SNED1: variants seen among roughly 807,000 people sequenced by gnomAD.
The protein encoded by SNED1 is sushi, nidogen and EGF-like domain-containing protein 1.
SNED1 carries 81 observed loss-of-function variants against 166.7 expected under a neutral mutation model. That is an observed-to-expected ratio of 0.49 (90% confidence interval 0.41 to 0.58). SNED1 has a LOEUF of 0.58. Ranked by LOEUF, SNED1 falls within the 20% of genes least tolerant of loss-of-function variation. The probability of loss-of-function intolerance (pLI) is 0.00; values close to 1 mark genes in which losing one functional copy is unlikely to be tolerated. For synonymous variants in SNED1, 762 were observed against 822.0 expected (o/e 0.93, Z 1.25); for missense variants, 1,604 against 2,000.2 (o/e 0.80, Z 3.78).
chr2:241,018,190 C>T lies in SNED1; in HGVS notation c.214-12094C>T, dbSNP rs1054863424. Among the ~76,000 whole-genome samples, 10 of 152,196 alleles carry T rather than the reference C, an allele frequency of 6.6e-5. No homozygotes were observed. The highest frequency in any genetic ancestry group is 1.3e-4 in the Admixed American group (2 of 15,272). On this transcript the variant is annotated intron_variant, in intron 1 of 31. Coordinates refer to ENST00000310397, the MANE Select transcript of SNED1 (RefSeq NM_001080437.3). This position sits in a 1 kb window ranked among gnomAD's most constrained non-coding sequence, Gnocchi z 5.4. ...TGGTTAAGTCTTTTTGCCATGTCACCGCGCATTTGCAGCTTTGGTCACCAT... is the reference window on the plus strand; with the variant it reads ...TGGTTAAGTCTTTTTGCCATGTCACTGCGCATTTGCAGCTTTGGTCACCAT...
Position 241,051,871 on chromosome 2 carries a change from C to A in SNED1, c.1852+11C>A, listed in dbSNP as rs778826950. Reference sequence around the variant, plus strand: ...GGCACTGTGAGATCGGTGCGGCCCCCAGGGGCAGGGGGGAGGGCAGGAACG... The same window carrying A: ...GGCACTGTGAGATCGGTGCGGCCCCAAGGGGCAGGGGGGAGGGCAGGAACG... On this transcript the variant is annotated intron_variant, in intron 13 of 31. Transcript: ENST00000310397. The surrounding 1 kb of genome is among the most constrained non-coding windows in gnomAD (Gnocchi z 4.7). The A allele has an allele frequency of 6.5e-7, 1 of 1,528,132 alleles. No individual in the cohort carries two copies. The highest frequency in any genetic ancestry group is 8.8e-7 in the Non-Finnish European group (1 of 1,133,738). The allele number at this position is 1,528,132 out of a possible 1,614,324, so 94.7% of individuals were successfully genotyped here.
rs986483706 is a variant in SNED1, at chr2:241,087,248, A to G, written c.4122-144A>G. 437 of 646,338 alleles carry G rather than the reference A, an allele frequency of 6.8e-4. 1 individual carries two copies. The highest frequency in any genetic ancestry group is 1.5e-4 in the Non-Finnish European group (57 of 368,988). 40.0% of individuals were successfully genotyped at this position (646,338 alleles called of 1,614,324 possible). A position where few individuals can be genotyped will look rare whatever the true frequency, so the allele number is the denominator to read the frequency against. The stretch of plus-strand genomic sequence containing the variant: ...TTATGTTAGACATTTTAATACATCA[A>G]TAGGAGGTCACGTTTCATTCAGAAA... On this transcript the variant is annotated intron_variant, in intron 29 of 31. Coordinates refer to ENST00000310397, the MANE Select transcript of SNED1 (RefSeq NM_001080437.3).
In SNED1 at chr2:241,065,408, C is replaced by T. The variant is rs370745284; in HGVS notation, c.2823C>T (p.Tyr941=). Residue 941 remains tyrosine, a synonymous_variant, in exon 21 of 32, where the codon TAC becomes TAT. Transcript: ENST00000310397. ...CCGCCAGGCAGATGCTTGATGGCTA[C>T]GCGGTCACCTACGTCTCCTCCGACG... The part of the protein sequence containing the change: ...GPAARQMLDG[Y]AVTYVSSDGS... 8.3e-5 allele frequency: 134 copies of T among 1,613,160 alleles called. No homozygotes were observed. In the African/African-American group the frequency reaches 1.4e-3, roughly 17 times the overall value.
intron 28 of SNED1, among the ~76,000 whole-genome samples, chr2:241,082,027 C>T (rs1221843038): frequency 6.6e-6 from 1 of 152,232 alleles, no homozygotes; most frequent in Non-Finnish European, 1.5e-5. Context: ...GCATGCGAGG[C>T]ACAGCTTCGG....
At chr2:241,057,967 GAATT>G (rs1486460380) in intron 16 of SNED1, among the ~76,000 whole-genome samples, 1 of 152,114 alleles carries the variant, frequency 6.6e-6, no homozygotes, top group Admixed American at 6.5e-5. Flanking sequence ...AGATTGGAAA[GAATT>G]ATGATAGAAA....
intron 16 of SNED1, among the ~76,000 whole-genome samples, chr2:241,054,036 C>G (rs1452361519): frequency 6.6e-6 from 1 of 152,186 alleles, no homozygotes; most frequent in Non-Finnish European, 1.5e-5. Context: ...CCCTGTCCCC[C>G]ACATGCCCCG....
chr2:241,086,582 GTTAC>G (rs1398643930), intron 29 of SNED1, among the ~76,000 whole-genome samples: 1 of 152,224 alleles, frequency 6.6e-6, no homozygotes, highest in African/African-American at 2.4e-5. Flanking sequence ...CTGACATACA[GTTAC>G]TTACTATATT....
chr2:241,073,299 AGGAAGCC>A lies in SNED1; in HGVS notation c.3852_3858del (p.Glu1284AspfsTer62). The A allele has an allele frequency of 6.4e-7, 1 of 1,569,622 alleles. No individual in the cohort carries two copies. Among genetic ancestry groups the A allele is most frequent in the South Asian group, 1.2e-5 (1 of 85,006 alleles). On this transcript the variant is annotated frameshift_variant, in exon 27 of 32. Coordinates refer to ENST00000310397, the MANE Select transcript of SNED1 (RefSeq NM_001080437.3). LOFTEE classifies it high-confidence loss of function. This position sits in a 1 kb window ranked among gnomAD's most constrained non-coding sequence, Gnocchi z 6.6. ...GCCTCGGCGCAGCTCGAGAACATGG[AGGAAGCC>A]CCCAAGCGGGTCAGCCTGGCCCTCC...
At chr2:241,052,636 G>A (rs13004780) in intron 15 of SNED1, among the ~76,000 whole-genome samples, 168 bp downstream of exon 15, 42,187 of 97,650 alleles carry the variant, frequency 0.43, 11,154 homozygotes, top group Middle Eastern at 0.51. Flanking sequence ...TGAGAGGGCC[G>A]GGGGGCCAAG....
intron 1 of SNED1, among the ~76,000 whole-genome samples, chr2:241,011,685 T>C (rs929382946): frequency 6.6e-6 from 1 of 152,210 alleles, no homozygotes; most frequent in Non-Finnish European, 1.5e-5. Context: ...TTCCCAGCCC[T>C]GAAGAAGGAG....
rs1258010229 is a variant in SNED1 at position 241,040,059 on chromosome 2, C to T, written c.1046-16C>T. The T allele has an allele frequency of 6.4e-7, 1 of 1,552,770 alleles. No homozygotes were observed. On this transcript the variant is annotated splice_polypyrimidine_tract_variant and intron_variant, in intron 6 of 31. Transcript: ENST00000310397. ...AACTGGGAGTCCATCGTCCTGTCTACACCTCCTCACTCTAGCCCAATCCCC... is the reference window on the plus strand; with the variant it reads ...AACTGGGAGTCCATCGTCCTGTCTATACCTCCTCACTCTAGCCCAATCCCC...
In SNED1 at chr2:241,071,692, GC is replaced by G; in HGVS notation, c.3711del (p.Glu1238ArgfsTer19). On this transcript the variant is annotated frameshift_variant, in exon 25 of 32. Transcript: ENST00000310397. LOFTEE classifies it high-confidence loss of function. ...GCTGCGCCTGCTCAATGACCACAGC[GC>G]CCCCGAGACCCCCACCCAGCCCCCC... is the stretch of plus-strand genomic sequence containing the variant. ...PELRLLNDHS[A>X]PETPTQPPRF... 2.6e-6 allele frequency: 4 copies of G among 1,527,460 alleles called. No individual in the cohort carries two copies. Among genetic ancestry groups the G allele is most frequent in the Non-Finnish European group, 3.5e-6 (4 of 1,138,178 alleles). 94.6% of individuals were successfully genotyped at this position (1,527,460 alleles called of 1,614,324 possible). A position where few individuals can be genotyped will look rare whatever the true frequency, so the allele number is the denominator to read the frequency against.
At chr2:241,084,098 C>A (rs1319874817) in intron 29 of SNED1, among the ~76,000 whole-genome samples, 2 of 149,346 alleles carry the variant, frequency 1.3e-5, no homozygotes, top group Non-Finnish European at 3.0e-5. Context: ...CCCTTAATTA[C>A]TATTGTACGA....
intron 28 of SNED1, 62 bp downstream of exon 28, chr2:241,081,855 TGCTGGGCCACA>T (rs907103700): frequency 1.6e-6 from 2 of 1,277,642 alleles, no homozygotes; most frequent in African/African-American, 3.0e-5. Flanking sequence ...AGCCTAGGAC[TGCTGGGCCACA>T]GCTGGGTTTG....
At position 241,052,086 on chromosome 2, in the gene SNED1, C is replaced by T. The variant is rs761769804; in HGVS notation, c.1898C>T (p.Thr633Ile). 9 of 1,613,792 alleles carry T rather than the reference C, an allele frequency of 5.6e-6. No homozygotes were observed. Among genetic ancestry groups the T allele is most frequent in the Admixed American group, 3.3e-5 (2 of 59,998 alleles). Residue 633 changes from threonine (T) to isoleucine (I), a missense_variant, in exon 14 of 32, where the codon ACC becomes ATC. Around this residue, in one of 2 missense-constraint regions of SNED1, gnomAD observed 1,237 missense variants for 1,620.8 expected, o/e 0.76. Coordinates refer to ENST00000310397, the MANE Select transcript of SNED1 (RefSeq NM_001080437.3). ...CASGPCHNGG[T>I]CFHYIGKYKC... ...TCTGGCCCCTGTCACAACGGCGGCA[C>T]CTGCTTCCACTACATTGGCAAATAC...
chr2:241,048,957 C>A (rs1171812613), intron 10 of SNED1, 65 bp from the exon 11 acceptor site: 2 of 1,441,516 alleles, frequency 1.4e-6, no homozygotes, highest in East Asian at 2.5e-5. Context: ...CCATCCTTGA[C>A]AAGGACTCGA....
Position 241,065,555 on chromosome 2 carries a change from G to A in SNED1, c.2970G>A (p.Lys990=), listed in dbSNP as rs1429087594. ...VFSVKRNSNN[K]NDISRPAVLL... ...CAGTGAAGCGAAACAGTAACAACAA[G>A]AATGACATCAGCAGGCCTGCCGTGC... The change falls in exon 21 of 32, where the codon AAG becomes AAA. Residue 990 remains lysine, a synonymous_variant. Coordinates refer to ENST00000310397, the MANE Select transcript of SNED1 (RefSeq NM_001080437.3). 4 of 1,612,788 alleles carry A rather than the reference G, an allele frequency of 2.5e-6. No homozygotes were observed. Among genetic ancestry groups the A allele is most frequent in the South Asian group, 2.2e-5 (2 of 91,070 alleles).
At chr2:241,084,304 T>C (rs908470049) in intron 29 of SNED1, among the ~76,000 whole-genome samples, 1 of 152,080 alleles carries the variant, frequency 6.6e-6, no homozygotes. Context: ...ACCCTGCTAA[T>C]TTTTGTATTT....
Position 241,070,192 on chromosome 2 carries a change from A to G in SNED1, c.3580A>G (p.Ile1194Val), listed in dbSNP as rs754199913. Residue 1194 changes from isoleucine (I) to valine (V), a missense_variant, in exon 24 of 32, where the codon ATC (isoleucine) becomes GTC (valine). Ile to Val is a conservative substitution (Grantham distance 29, BLOSUM62 3). Coordinates refer to ENST00000310397, the MANE Select transcript of SNED1 (RefSeq NM_001080437.3). ...PQHSEPAHLY[I>V]ITSPRDGADR... ...GCACAGCGAGCCCGCCCACCTCTAC[A>G]TCATCACCTGTGAGTGCCGTGGGCC... is the stretch of plus-strand genomic sequence containing the variant. 5.6e-6 allele frequency: 9 copies of G among 1,605,336 alleles called. No homozygotes were observed. The highest frequency in any genetic ancestry group is 3.3e-5 in the South Asian group (3 of 90,634).
Sources: allele counts gnomAD v4.1 joint callset (sites outside exome capture counted in the v4.1 genomes callset), GRCh38; gene constraint gnomAD v4.1.1; regional missense constraint gnomAD v4.1.1; non-coding constraint Gnocchi (gnomAD v3.1); transcripts MANE v1.5; gene names NCBI Gene and HGNC (gene_info 2026-07-23, HGNC 2026-07-21).